CLNK: variants seen among roughly 807,000 people sequenced by gnomAD.
CLNK encodes the protein cytokine-dependent hematopoietic cell linker.
A neutral mutation model predicts 68.6 loss-of-function variants in CLNK; 74 were observed. The observed-to-expected ratio is 1.08, with a 90% CI of 0.89 to 1.31. The LOEUF (loss-of-function observed/expected upper bound fraction) is 1.31, where lower values mean the gene tolerates loss of function less well. Ranked by LOEUF, CLNK falls within the 50% of genes most tolerant of loss-of-function variation. The probability of loss-of-function intolerance (pLI) is 0.00; values close to 1 mark genes in which losing one functional copy is unlikely to be tolerated. For missense variants in CLNK, 553 were observed against 515.3 expected (o/e 1.07, Z -0.71); for synonymous variants, 198 against 172.2 (o/e 1.15, Z -1.17).
chr4:10,723,707 A>G, the CLNK span, among the ~76,000 whole-genome samples: 56 of 151,674 alleles, frequency 3.7e-4, no homozygotes, highest in South Asian at 2.1e-3. Flanking sequence ...AATCATGCCT[A>G]CCCCACACCA....
chr4:10,711,704 C>G, the CLNK span, among the ~76,000 whole-genome samples: 2 of 152,188 alleles, frequency 1.3e-5, no homozygotes, highest in African/African-American at 4.8e-5. Flanking sequence ...CCCAGAGAAC[C>G]TGGGTGACTT....
chr4:10,624,231 A>G (rs944093525), intron 2 of CLNK, among the ~76,000 whole-genome samples: 10 of 152,356 alleles, frequency 6.6e-5, no homozygotes, highest in Middle Eastern at 3.4e-3. Flanking sequence ...TAAACAGTAG[A>G]TATTTCATGA....
the CLNK span, among the ~76,000 whole-genome samples, chr4:10,719,906 A>T: frequency 2.0e-5 from 3 of 152,218 alleles, no homozygotes; most frequent in Non-Finnish European, 4.4e-5. Context: ...CAAAGATACC[A>T]GAAAAATCCC....
At chr4:10,675,803 A>C (rs1291896787) in intron 1 of CLNK, among the ~76,000 whole-genome samples, 4 of 152,214 alleles carry the variant, frequency 2.6e-5, no homozygotes, top group Non-Finnish European at 5.9e-5. Context: ...GCTTTGAATG[A>C]ATCGAGAAGG....
chr4:10,730,219 G>A, the CLNK span, among the ~76,000 whole-genome samples: 1 of 152,070 alleles, frequency 6.6e-6, no homozygotes, highest in Non-Finnish European at 1.5e-5. Context: ...CTGCACCATT[G>A]AACCTCACAT....
chr4:10,729,680 A>C, the CLNK span, among the ~76,000 whole-genome samples: 1 of 152,236 alleles, frequency 6.6e-6, no homozygotes, highest in Non-Finnish European at 1.5e-5. Flanking sequence ...TCAGAAATGG[A>C]AAGTCAAATA....
chr4:10,531,087 G>A (rs1358233974), intron 12 of CLNK, among the ~76,000 whole-genome samples: 1 of 152,172 alleles, frequency 6.6e-6, no homozygotes, highest in African/African-American at 2.4e-5. Flanking sequence ...AGAAAGCAAG[G>A]AAAGACATTC....
At chr4:10,681,938 G>T (rs1051196207) in intron 1 of CLNK, among the ~76,000 whole-genome samples, 1 of 152,164 alleles carries the variant, frequency 6.6e-6, no homozygotes, top group Non-Finnish European at 1.5e-5. Context: ...AATGATGAGC[G>T]TTTCTTGTCT....
intron 2 of CLNK, among the ~76,000 whole-genome samples, chr4:10,626,104 C>T (rs1485705230): frequency 3.3e-5 from 5 of 152,200 alleles, no homozygotes; most frequent in South Asian, 2.1e-4. Flanking sequence ...CCCAGGTCTC[C>T]CTGGCTGGGG....
intron 2 of CLNK, among the ~76,000 whole-genome samples, chr4:10,659,545 A>G (rs1461148387): frequency 2.6e-5 from 4 of 152,226 alleles, no homozygotes; most frequent in Admixed American, 2.0e-4. Context: ...AGACAGATAA[A>G]TATTTGACTT....
intron 17 of CLNK, among the ~76,000 whole-genome samples, chr4:10,505,227 G>A (rs1398496111): frequency 1.3e-5 from 2 of 152,188 alleles, no homozygotes; most frequent in Admixed American, 1.3e-4. Context: ...GGTCCTCAAG[G>A]AGCTGCATCA....
At chr4:10,551,811 C>A (rs1719471504) in intron 8 of CLNK, among the ~76,000 whole-genome samples, 1 of 150,684 alleles carries the variant, frequency 6.6e-6, no homozygotes, top group Non-Finnish European at 1.5e-5. Flanking sequence ...CTATGTAAAA[C>A]TGCCTTTGCA....
chr4:10,615,203 G>A (rs1458596916), intron 2 of CLNK, among the ~76,000 whole-genome samples: 4 of 151,892 alleles, frequency 2.6e-5, no homozygotes, highest in Non-Finnish European at 4.4e-5. Context: ...AAAGAGGCTG[G>A]GCGCGGTGGC....
At chr4:10,602,477 G>C (rs1212661822) in intron 2 of CLNK, among the ~76,000 whole-genome samples, 1 of 152,180 alleles carries the variant, frequency 6.6e-6, no homozygotes, top group Non-Finnish European at 1.5e-5. Flanking sequence ...AAAGACCCAT[G>C]TGAAGATGGC....
intron 3 of CLNK, among the ~76,000 whole-genome samples, chr4:10,596,988 A>T (rs773326937): frequency 6.6e-6 from 1 of 152,260 alleles, no homozygotes; most frequent in Non-Finnish European, 1.5e-5. Flanking sequence ...TAGTGTAAAC[A>T]TTAAAGAAGT....
intron 16 of CLNK, among the ~76,000 whole-genome samples, chr4:10,512,038 T>C (rs532745218): frequency 6.6e-6 from 1 of 152,160 alleles, no homozygotes; most frequent in Non-Finnish European, 1.5e-5. Context: ...AAAGGTATAC[T>C]CAAATAGCTG....
chr4:10,671,399 A>C (rs1259012925), intron 1 of CLNK, among the ~76,000 whole-genome samples: 1 of 151,724 alleles, frequency 6.6e-6, no homozygotes, highest in Non-Finnish European at 1.5e-5. Context: ...AAAAAAAAGA[A>C]GAAAGCAGAA....
chr4:10,713,522 G>C, the CLNK span, among the ~76,000 whole-genome samples: 99 of 152,196 alleles, frequency 6.5e-4, 1 homozygote, highest in Middle Eastern at 0.014. Flanking sequence ...GCTGTAGAGA[G>C]AGACCTGGGG....
chr4:10,655,334 CAGAGAGAGAGAGAGAG>C (rs148877353), intron 2 of CLNK, among the ~76,000 whole-genome samples: 6,136 of 135,418 alleles, frequency 0.045, 196 homozygotes, highest in Middle Eastern at 0.11. Flanking sequence ...CCCCCAAAGA[CAGAGAGAGAGAGAGAG>C]AGAGAGAGAG....
Sources: allele counts gnomAD v4.1 joint callset (sites outside exome capture counted in the v4.1 genomes callset), GRCh38; gene constraint gnomAD v4.1.1; transcripts MANE v1.5; gene names NCBI Gene and HGNC (gene_info 2026-07-23, HGNC 2026-07-21).